SUPT3H: variants seen among roughly 807,000 people sequenced by gnomAD.
SUPT3H encodes the protein SPT3 homolog, SAGA and STAGA complex component.
SUPT3H carries 44 observed loss-of-function variants against 44.3 expected under a neutral mutation model. That is an observed-to-expected ratio of 0.99 (90% CI 0.78 to 1.28). SUPT3H has a LOEUF of 1.28. Ranked by LOEUF, SUPT3H falls within the 50% of genes most tolerant of loss-of-function variation. The pLI is 0.00. For missense variants in SUPT3H, 380 were observed against 387.1 expected, an observed-to-expected ratio of 0.98 and a Z score of 0.15; for synonymous variants, 124 against 125.6, an observed-to-expected ratio of 0.99 and a Z score of 0.09.
At chr6:45,036,756 C>G (rs948207772) in intron 3 of SUPT3H, among the ~76,000 whole-genome samples, 1 of 152,140 alleles carries the variant, frequency 6.6e-6, no homozygotes, top group African/African-American at 2.4e-5. Context: ...CTCATGGACT[C>G]TTTCTCAGGA....
intron 3 of SUPT3H, among the ~76,000 whole-genome samples, chr6:45,045,926 A>G (rs1378129672): frequency 6.6e-6 from 1 of 152,126 alleles, no homozygotes; most frequent in African/African-American, 2.4e-5. Context: ...GTGAAGTTCA[A>G]TGTATCACTT....
At chr6:45,324,074 T>C (rs1349618231) in intron 2 of SUPT3H, among the ~76,000 whole-genome samples, 2 of 152,054 alleles carry the variant, frequency 1.3e-5, no homozygotes, top group East Asian at 1.9e-4. Flanking sequence ...AGCTGTCATA[T>C]GAGCATGTTT....
chr6:45,364,106 C>A (rs1470283612), intron 2 of SUPT3H, among the ~76,000 whole-genome samples: 1 of 121,654 alleles, frequency 8.2e-6, no homozygotes, highest in African/African-American at 3.2e-5. Flanking sequence ...CAGAGTGAGA[C>A]TCTGTCTCAA....
At chr6:44,834,593 T>C (rs959638516) in intron 10 of SUPT3H, among the ~76,000 whole-genome samples, 1 of 152,176 alleles carries the variant, frequency 6.6e-6, no homozygotes, top group Non-Finnish European at 1.5e-5. Context: ...AATTGGAAAG[T>C]ATCTTTGTGA....
chr6:45,176,580 A>C (rs1452673390), intron 2 of SUPT3H, among the ~76,000 whole-genome samples: 1 of 152,168 alleles, frequency 6.6e-6, no homozygotes, highest in Non-Finnish European at 1.5e-5. Flanking sequence ...ACCACAGCTC[A>C]AGGAGACCTG....
intron 2 of SUPT3H, among the ~76,000 whole-genome samples, chr6:45,127,096 A>C (rs900800186): frequency 2.6e-5 from 4 of 152,128 alleles, no homozygotes; most frequent in Non-Finnish European, 5.9e-5. Flanking sequence ...CGGGCAGATC[A>C]TGAGGTCAGG....
chr6:44,887,282 C>T (rs971868509), intron 10 of SUPT3H, among the ~76,000 whole-genome samples: 4 of 152,292 alleles, frequency 2.6e-5, no homozygotes, highest in Admixed American at 2.6e-4. Flanking sequence ...TAGACATCTA[C>T]AGAACTCCCC....
intron 11 of SUPT3H, among the ~76,000 whole-genome samples, chr6:44,817,452 A>G (rs1455550072): frequency 6.6e-6 from 1 of 152,196 alleles, no homozygotes; most frequent in Non-Finnish European, 1.5e-5. Flanking sequence ...ACTCCTATTC[A>G]ATAGTGTACT....
intron 3 of SUPT3H, among the ~76,000 whole-genome samples, chr6:45,039,095 C>T (rs1014734009): frequency 2.6e-5 from 4 of 152,054 alleles, no homozygotes; most frequent in African/African-American, 7.2e-5. Flanking sequence ...ACCATTTAAA[C>T]TTTGGAAGGG....
intron 2 of SUPT3H, among the ~76,000 whole-genome samples, chr6:45,183,265 CA>C (rs1813601135): frequency 6.6e-6 from 1 of 151,998 alleles, no homozygotes; most frequent in East Asian, 1.9e-4. Flanking sequence ...CTAGAATAGG[CA>C]AACTGATAGA....
chr6:45,270,700 G>A (rs147123691), intron 2 of SUPT3H, among the ~76,000 whole-genome samples: 77 of 152,276 alleles, frequency 5.1e-4, no homozygotes, highest in African/African-American at 1.8e-3. Flanking sequence ...CCACCAGAGT[G>A]GGGCACTGCT....
At chr6:45,338,629 A>G (rs546240833) in intron 2 of SUPT3H, among the ~76,000 whole-genome samples, 2 of 152,282 alleles carry the variant, frequency 1.3e-5, no homozygotes, top group African/African-American at 4.8e-5. Flanking sequence ...GATAAAAATA[A>G]TAATACTATC....
chr6:44,989,667 CTT>C (rs1327311509), intron 6 of SUPT3H, among the ~76,000 whole-genome samples: 5 of 152,096 alleles, frequency 3.3e-5, no homozygotes, highest in Admixed American at 6.6e-5. Flanking sequence ...ACACTTACCT[CTT>C]GTCTTTTTAA....
chr6:44,944,554 T>G (rs1772977848), intron 9 of SUPT3H, among the ~76,000 whole-genome samples: 1 of 148,444 alleles, frequency 6.7e-6, no homozygotes, highest in Non-Finnish European at 1.5e-5. Flanking sequence ...AGCCCAGGAG[T>G]TTGAGAATAG....
intron 2 of SUPT3H, among the ~76,000 whole-genome samples, chr6:45,130,397 T>C (rs1224007853): frequency 2.0e-5 from 3 of 152,170 alleles, no homozygotes; most frequent in African/African-American, 7.2e-5. Flanking sequence ...TGTATGAATA[T>C]ACCACATTTT....
chr6:45,027,325 C>A (rs1243151835), intron 3 of SUPT3H, among the ~76,000 whole-genome samples: 1 of 152,010 alleles, frequency 6.6e-6, no homozygotes, highest in African/African-American at 2.4e-5. Flanking sequence ...CCCATTTCTG[C>A]TCTTTCTCAT....
At chr6:45,219,288 T>C (rs1765597004) in intron 2 of SUPT3H, among the ~76,000 whole-genome samples, 1 of 151,890 alleles carries the variant, frequency 6.6e-6, no homozygotes, top group Non-Finnish European at 1.5e-5. Flanking sequence ...AGAAAATCCA[T>C]AAAAGAACTG....
chr6:44,915,065 C>T (rs1013459192), intron 10 of SUPT3H, among the ~76,000 whole-genome samples: 9 of 152,146 alleles, frequency 5.9e-5, no homozygotes, highest in African/African-American at 2.2e-4. Flanking sequence ...ATTCTTTCTC[C>T]TTACCTTACC....
At chr6:45,287,551 T>C (rs1440931120) in intron 2 of SUPT3H, among the ~76,000 whole-genome samples, 1 of 152,112 alleles carries the variant, frequency 6.6e-6, no homozygotes, top group South Asian at 2.1e-4. Context: ...CTCATATAAT[T>C]TGTATGGTCC....
Sources: gnomAD v4.1 joint callset for allele counts (sites outside exome capture counted in the v4.1 genomes callset) on GRCh38, gnomAD v4.1.1 for gene constraint, MANE v1.5 for transcripts, NCBI Gene and HGNC (gene_info 2026-07-23, HGNC 2026-07-21) for gene names.